CCDC7: variants seen among roughly 807,000 people sequenced by gnomAD.
The protein encoded by CCDC7 is coiled-coil domain containing 7, also known as coiled-coil domain-containing protein 7.
A neutral mutation model predicts 196.9 loss-of-function variants in CCDC7; 183 were observed. The ratio of observed to expected loss-of-function variants is 0.93; its 90% CI spans 0.82 to 1.05. The LOEUF (loss-of-function observed/expected upper bound fraction) is 1.05. CCDC7 is among the 50% of genes least tolerant of loss of function. The probability of loss-of-function intolerance (pLI) is 0.00; values close to 1 mark genes in which losing one functional copy is unlikely to be tolerated. For synonymous variants in CCDC7, 525 were observed against 484.6 expected, an observed-to-expected ratio of 1.08 and a Z score of -1.10; for missense variants, 1,540 against 1,482.2, an observed-to-expected ratio of 1.04 and a Z score of -0.64.
intron 2 of CCDC7, among the ~76,000 whole-genome samples, chr10:32,456,003 T>A (rs2034255156): frequency 6.6e-6 from 1 of 152,026 alleles, no homozygotes; most frequent in South Asian, 2.1e-4. Flanking sequence ...TAGAGATGAA[T>A]GAGAGGAGAG....
intron 16 of CCDC7, among the ~76,000 whole-genome samples, chr10:32,573,330 T>G (rs2057804153): frequency 6.6e-6 from 1 of 152,200 alleles, no homozygotes; most frequent in Admixed American, 6.5e-5. Flanking sequence ...TTGATATAAG[T>G]TGTTTTAATA....
intron 11 of CCDC7, among the ~76,000 whole-genome samples, chr10:32,539,282 T>C (rs2051012458): frequency 6.6e-6 from 1 of 152,054 alleles, no homozygotes; most frequent in Admixed American, 6.6e-5. Context: ...TTTGATGTAC[T>C]CATTTCTAGT....
At chr10:32,446,921 C>T (rs1382176325), upstream of CCDC7, among the ~76,000 whole-genome samples, 1 of 87,548 alleles carries the variant, frequency 1.1e-5, no homozygotes, top group Non-Finnish European at 2.9e-5. Context: ...TCCCTCCCTC[C>T]CTTCCTTCCT....
chr10:32,729,600 T>C (rs1220642792), intron 28 of CCDC7, 143 bp downstream of exon 29: 1 of 413,868 alleles, frequency 2.4e-6, no homozygotes, highest in Non-Finnish European at 4.2e-6. Flanking sequence ...TGATAACTTG[T>C]TTCTTTTATA....
intron 9 of CCDC7, chr10:32,511,465 T>C (rs2046193826): frequency 6.2e-7 from 1 of 1,607,160 alleles, no homozygotes; most frequent in Admixed American, 1.7e-5. Flanking sequence ...TGTTCATATA[T>C]ACTCTGATTC....
chr10:32,875,462 C>A (rs2094572069), intron 41 of CCDC7, among the ~76,000 whole-genome samples: 2 of 151,894 alleles, frequency 1.3e-5, no homozygotes, highest in African/African-American at 4.8e-5. Context: ...AGCCTTATTT[C>A]TGGGCCCTCT....
chr10:32,824,412 C>T (rs921922865), intron 31 of CCDC7, 106 bp from the exon 33 acceptor site: 1 of 616,244 alleles, frequency 1.6e-6, no homozygotes, highest in Non-Finnish European at 2.7e-6. Flanking sequence ...TATTATAATT[C>T]TACTCCAATG....
At chr10:32,475,505 A>G (rs890824417) in intron 8 of CCDC7, among the ~76,000 whole-genome samples, 1 of 152,232 alleles carries the variant, frequency 6.6e-6, no homozygotes, top group Non-Finnish European at 1.5e-5. Context: ...TCATAAAACC[A>G]CATTTCAAAA....
chr10:32,767,113 AC>A (rs2078437304), intron 28 of CCDC7, among the ~76,000 whole-genome samples: 1 of 152,034 alleles, frequency 6.6e-6, no homozygotes, highest in Non-Finnish European at 1.5e-5. Flanking sequence ...TGGAGAGGGC[AC>A]CAAGCCATTC....
intron 9 of CCDC7, among the ~76,000 whole-genome samples, chr10:32,506,538 C>T (rs566752900): frequency 4.6e-5 from 7 of 152,264 alleles, no homozygotes; most frequent in South Asian, 2.1e-4. Flanking sequence ...GCCGAGATCA[C>T]GCCACTGCAC....
intron 11 of CCDC7, among the ~76,000 whole-genome samples, chr10:32,523,242 C>T (rs2048138521): frequency 6.6e-6 from 1 of 151,998 alleles, no homozygotes; most frequent in Admixed American, 6.6e-5. Flanking sequence ...GAGATCTTTC[C>T]AATGCTAAAA....
chr10:32,737,647 TTGTC>T (rs2133035138), intron 28 of CCDC7, among the ~76,000 whole-genome samples: 1 of 152,290 alleles, frequency 6.6e-6, no homozygotes, highest in African/African-American at 2.4e-5. Flanking sequence ...TATAATGAAT[TTGTC>T]TGTTTTCTTT....
At chr10:32,462,617 AATATT>A (rs777279863) in intron 3 of CCDC7, 61 bp from the exon 5 acceptor site, 786 of 1,217,836 alleles carry the variant, frequency 6.5e-4, no homozygotes, top group East Asian at 1.2e-3. Context: ...GACTGAACTA[AATATT>A]ATATTATACA....
intron 28 of CCDC7, among the ~76,000 whole-genome samples, chr10:32,729,822 G>A (rs1055464340): frequency 2.0e-5 from 3 of 151,528 alleles, no homozygotes; most frequent in African/African-American, 7.3e-5. Context: ...CATAATTTTT[G>A]TTGTTTTCCT....
At chr10:32,673,654 C>T (rs1763801) in intron 21 of CCDC7, among the ~76,000 whole-genome samples, 90,511 of 148,038 alleles carry the variant, frequency 0.61, 29,057 homozygotes, top group Non-Finnish European at 0.72. Context: ...CCATTGTGCA[C>T]GTGTGTGTGT....
intron 28 of CCDC7, among the ~76,000 whole-genome samples, chr10:32,760,409 G>A (rs1565425068): frequency 6.6e-6 from 1 of 151,912 alleles, no homozygotes; most frequent in Non-Finnish European, 1.5e-5. Flanking sequence ...GGAATACTAT[G>A]CAGCCATAAA....
At position 32,867,484 on chromosome 10, in the gene CCDC7, A is replaced by G. The variant is rs2094244252; in HGVS notation, c.4112-8863A>G. 2.6e-5 allele frequency among the ~76,000 whole-genome samples: 4 copies of G among 151,214 alleles called. No homozygotes were observed. The East Asian group carries it at 7.8e-4, about 29-fold the overall frequency. On this transcript the variant is annotated intron_variant, in intron 41 of 41. Transcript: ENST00000639629. The stretch of plus-strand genomic sequence containing the variant: ...CAGAATAAAACTGAATAAATTCTAG[A>G]AGGGATTGGAATCCCTTCTAGAATT...
intron 25 of CCDC7, among the ~76,000 whole-genome samples, chr10:32,720,449 G>A (rs2082245870): frequency 1.3e-5 from 2 of 152,104 alleles, no homozygotes. Context: ...GGGAGGGATA[G>A]CATTAGGAGA....
chr10:32,492,051 G>C, intron 9 of CCDC7, 54 bp downstream of exon 10: 1 of 1,461,104 alleles, frequency 6.8e-7, no homozygotes. Flanking sequence ...AAAAAAGACA[G>C]ATAAAATTGT....
Sources: gnomAD v4.1 joint callset for allele counts (sites outside exome capture counted in the v4.1 genomes callset) on GRCh38, gnomAD v4.1.1 for gene constraint, MANE v1.5 for transcripts, NCBI Gene and HGNC (gene_info 2026-07-23, HGNC 2026-07-21) for gene names.